BMP5: variants seen among roughly 807,000 people sequenced by gnomAD.
BMP5 encodes the protein bone morphogenetic protein 5.
Under a neutral mutation model 46.6 loss-of-function variants are expected in BMP5, and 23 were observed. The observed-to-expected ratio is 0.49, with a 90% CI of 0.35 to 0.70. BMP5 has a LOEUF of 0.70. Among genes scored for constraint, BMP5 ranks in the 30% least tolerant of loss-of-function variants. BMP5 has a pLI of 0.00. For synonymous variants in BMP5, 204 were observed against 191.9 expected, an observed-to-expected ratio of 1.06 and a Z score of -0.52; for missense variants, 545 against 565.6, an observed-to-expected ratio of 0.96 and a Z score of 0.37.
chr6:55,830,949 T>C (rs370311186), intron 1 of BMP5, among the ~76,000 whole-genome samples: 1 of 152,092 alleles, frequency 6.6e-6, no homozygotes, highest in African/African-American at 2.4e-5. Context: ...TGTTCTTTCC[T>C]ACATGAGAAG....
intron 1 of BMP5, among the ~76,000 whole-genome samples, chr6:55,820,671 G>A (rs1776386318): frequency 6.6e-6 from 1 of 152,170 alleles, no homozygotes; most frequent in Middle Eastern, 3.4e-3. Flanking sequence ...TCCCAATTTG[G>A]CATCCCAAAG....
chr6:55,777,258 A>T lies in BMP5; in HGVS notation c.833-3015T>A, dbSNP rs1053700939. ...AAGTACTGAGAGAAACCCAGACTACACCGTATGTATTAAAAAAAAAGTAAA... is the reference window on the plus strand; with the variant it reads ...AAGTACTGAGAGAAACCCAGACTACTCCGTATGTATTAAAAAAAAAGTAAA... On this transcript the variant is annotated intron_variant, in intron 3 of 6. Transcript: ENST00000370830. Among the ~76,000 whole-genome samples, 3 of 151,882 alleles carry T rather than the reference A, an allele frequency of 2.0e-5. No individual in the cohort carries two copies. In the South Asian group the frequency reaches 6.2e-4, roughly 31 times the overall value.
chr6:55,837,806 C>G (rs1351282778), intron 1 of BMP5, among the ~76,000 whole-genome samples: 2 of 152,116 alleles, frequency 1.3e-5, no homozygotes, highest in African/African-American at 4.8e-5. Context: ...CCCTGCCAGC[C>G]TCCCACTACC....
intron 4 of BMP5, among the ~76,000 whole-genome samples, chr6:55,771,244 C>A (rs2127520024): frequency 6.6e-6 from 1 of 151,970 alleles, no homozygotes; most frequent in African/African-American, 2.4e-5. Context: ...TTAAAAAAAT[C>A]TTATCCACCT....
At chr6:55,868,138 T>A (rs999763637) in intron 1 of BMP5, among the ~76,000 whole-genome samples, 4 of 152,206 alleles carry the variant, frequency 2.6e-5, no homozygotes, top group African/African-American at 9.6e-5. Context: ...TTTGTACATG[T>A]TAATAAATCT....
chr6:55,795,100 A>C (rs556690783), intron 2 of BMP5, among the ~76,000 whole-genome samples: 5 of 152,234 alleles, frequency 3.3e-5, no homozygotes, highest in Admixed American at 1.3e-4. Context: ...TAATCTGCAC[A>C]GTGTTACTGT....
chr6:55,873,178 T>C (rs1777823853), intron 1 of BMP5, among the ~76,000 whole-genome samples: 1 of 151,958 alleles, frequency 6.6e-6, no homozygotes, highest in Admixed American at 6.6e-5. Context: ...AGCATCCATG[T>C]GTTATTAAGA....
chr6:55,853,667 A>G (rs1234774150), intron 1 of BMP5, among the ~76,000 whole-genome samples: 2 of 152,304 alleles, frequency 1.3e-5, no homozygotes, highest in East Asian at 1.9e-4. Flanking sequence ...CTGTATTTTC[A>G]TAATATGTAT....
intron 3 of BMP5, among the ~76,000 whole-genome samples, chr6:55,793,096 A>G (rs1324028771): frequency 6.6e-6 from 1 of 152,180 alleles, no homozygotes; most frequent in Non-Finnish European, 1.5e-5. Flanking sequence ...CATGACAAAT[A>G]TAATTTTAAA....
intron 1 of BMP5, among the ~76,000 whole-genome samples, chr6:55,843,915 A>T (rs1777030941): frequency 6.6e-6 from 1 of 152,044 alleles, no homozygotes; most frequent in African/African-American, 2.4e-5. Context: ...TTCAAAGAGA[A>T]ATTGTCCTTA....
Position 55,874,621 on chromosome 6 carries a change from A to C in BMP5, c.245T>G (p.Leu82Arg), listed in dbSNP as rs936598548. ...KQASSAPLFMLDLYNAMTNEE... is the reference protein window; with the variant it reads ...KQASSAPLFMRDLYNAMTNEE... The stretch of plus-strand genomic sequence containing the variant: ...ATTGGTCATGGCATTGTAGAGATCC[A>C]GCATAAAGAGAGGTGCAGAGGACGC... The change falls in exon 1 of 7, where the codon CTG (leucine) becomes CGG (arginine). Residue 82 changes from leucine to arginine, a missense_variant. Physicochemically the swap from Leu to Arg is moderately radical, Grantham distance 102. Transcript: ENST00000370830. The C allele has an allele frequency of 6.2e-7, 1 of 1,613,496 alleles. No individual in the cohort carries two copies. The highest frequency in any genetic ancestry group is 1.3e-5 in the African/African-American group (1 of 74,848).
chr6:55,810,805 G>C (rs1159723275), intron 2 of BMP5, among the ~76,000 whole-genome samples: 2 of 152,168 alleles, frequency 1.3e-5, no homozygotes, highest in Non-Finnish European at 2.9e-5. Flanking sequence ...AGGCAGAGGA[G>C]CTGTCCTGTC....
At chr6:55,843,871 A>C (rs1401082069) in intron 1 of BMP5, among the ~76,000 whole-genome samples, 1 of 152,044 alleles carries the variant, frequency 6.6e-6, no homozygotes, top group Non-Finnish European at 1.5e-5. Flanking sequence ...TTATCTAAAT[A>C]ATTTTAAAAT....
At chr6:55,848,476 G>A (rs1777149688) in intron 1 of BMP5, among the ~76,000 whole-genome samples, 1 of 151,814 alleles carries the variant, frequency 6.6e-6, no homozygotes, top group Admixed American at 6.6e-5. Flanking sequence ...ACACATACAT[G>A]TAAGTCTAGC....
chr6:55,857,183 A>C (rs1777420948), intron 1 of BMP5, among the ~76,000 whole-genome samples: 1 of 152,188 alleles, frequency 6.6e-6, no homozygotes, highest in Non-Finnish European at 1.5e-5. Flanking sequence ...TCGATCACTC[A>C]ACTGCTTCTT....
chr6:55,789,841 C>A (rs377730762), intron 3 of BMP5, among the ~76,000 whole-genome samples: 1 of 151,918 alleles, frequency 6.6e-6, no homozygotes, highest in African/African-American at 2.4e-5. Flanking sequence ...TTTGCTGAAA[C>A]AAACATATGG....
chr6:55,844,084 C>T (rs1777036851), intron 1 of BMP5, among the ~76,000 whole-genome samples: 1 of 151,916 alleles, frequency 6.6e-6, no homozygotes, highest in South Asian at 2.1e-4. Context: ...GTTTAATAAA[C>T]TTTCCACCCA....
At chr6:55,849,693 A>T (rs1478061623) in intron 1 of BMP5, among the ~76,000 whole-genome samples, 1 of 152,104 alleles carries the variant, frequency 6.6e-6, no homozygotes, top group Admixed American at 6.6e-5. Context: ...TATATGTAAG[A>T]TGAAAAGCTT....
At chr6:55,810,910 C>T (rs183014225) in intron 2 of BMP5, among the ~76,000 whole-genome samples, 5 of 152,240 alleles carry the variant, frequency 3.3e-5, no homozygotes, top group South Asian at 4.1e-4. Flanking sequence ...ATACCTGCCC[C>T]CTATCAATTG....
Sources: gnomAD v4.1 joint callset for allele counts (sites outside exome capture counted in the v4.1 genomes callset) on GRCh38, gnomAD v4.1.1 for gene constraint, MANE v1.5 for transcripts, NCBI Gene and HGNC (gene_info 2026-07-23, HGNC 2026-07-21) for gene names.